The following PDE8A variants were observed in gnomAD, a reference collection of about 807,000 sequenced individuals.
PDE8A encodes high affinity cAMP-specific and IBMX-insensitive 3',5'-cyclic phosphodiesterase 8A.
In PDE8A, 59 loss-of-function variants were observed where a neutral mutation model predicts 105.0. That is an observed-to-expected ratio of 0.56 (90% CI 0.46 to 0.70). The LOEUF (loss-of-function observed/expected upper bound fraction) is 0.70, where lower values mean the gene tolerates loss of function less well. PDE8A is among the 30% of genes least tolerant of loss of function. PDE8A has a pLI of 0.00. For synonymous variants in PDE8A, 355 were observed against 371.9 expected (o/e 0.95, Z 0.52); for missense variants, 1,014 against 1,045.9 (o/e 0.97, Z 0.42).
rs776796507 is a variant in PDE8A at position 85,100,176 on chromosome 15, T to C, written c.1014T>C (p.Cys338=). The C allele has an allele frequency of 1.9e-6, 3 of 1,613,864 alleles. No individual in the cohort carries two copies. In the South Asian group the frequency reaches 3.3e-5, roughly 18 times the overall value. ...TTTAGGCTGAGAAAATATCCGAATGTGTTCAGTCTGACACTCATACAGGTA... is the reference window on the plus strand; with the variant it reads ...TTTAGGCTGAGAAAATATCCGAATGCGTTCAGTCTGACACTCATACAGGTA... The part of the protein sequence containing the change: ...GNNKAEKISE[C]VQSDTHTDNQ... The change falls in exon 11 of 22, where the codon TGT becomes TGC. Residue 338 remains cysteine, a synonymous_variant. Transcript: ENST00000394553.
chr15:85,086,498 A>G (rs2081554941), intron 6 of PDE8A, among the ~76,000 whole-genome samples: 1 of 152,236 alleles, frequency 6.6e-6, no homozygotes, highest in African/African-American at 2.4e-5. Context: ...AAAATGATCA[A>G]TTAAAAATTA....
chr15:85,067,031 C>G lies in PDE8A; in HGVS notation c.261C>G (p.Thr87=), dbSNP rs2081240320. 2 of 1,602,928 alleles carry G rather than the reference C, an allele frequency of 1.2e-6. No individual in the cohort carries two copies. Among genetic ancestry groups the G allele is most frequent in the Non-Finnish European group, 1.7e-6 (2 of 1,175,268 alleles). The change falls in exon 3 of 22, where the codon ACC becomes ACG. Residue 87 remains threonine (T), a synonymous_variant. Coordinates refer to ENST00000394553, the MANE Select transcript of PDE8A (RefSeq NM_002605.3). ...TGATTCAGGTACTTTTAGTGTTTAC[C>G]AAAGAAGATAACCAATGTAATGGAT... The part of the protein sequence containing the change: ...QDQLQVLLVF[T]KEDNQCNGFC...
At chr15:85,086,003 A>G (rs2141514055) in intron 6 of PDE8A, among the ~76,000 whole-genome samples, 1 of 150,842 alleles carries the variant, frequency 6.6e-6, no homozygotes, top group Non-Finnish European at 1.5e-5. Flanking sequence ...CAAGAGCAAA[A>G]CTCCATCTCA....
chr15:84,993,973 G>T (rs1212679704), intron 1 of PDE8A, among the ~76,000 whole-genome samples: 1 of 152,082 alleles, frequency 6.6e-6, no homozygotes, highest in Admixed American at 6.5e-5. Context: ...TTTAAATGTT[G>T]TCCCCTTAAG....
chr15:85,025,824 T>A lies in PDE8A; in HGVS notation c.187-38546T>A, dbSNP rs2080507376. 1.3e-5 allele frequency among the ~76,000 whole-genome samples: 2 copies of A among 152,162 alleles called. 1 individual carries two copies. Among genetic ancestry groups the A allele is most frequent in the South Asian group, 4.1e-4 (2 of 4,826 alleles). ...TAGGAAGCCAGGAACACCTTGAGAC[T>A]CGGGCCAGAACAATGTGGCCCACCT... is the stretch of plus-strand genomic sequence containing the variant. On this transcript the variant is annotated intron_variant, in intron 1 of 21. Coordinates refer to ENST00000394553, the MANE Select transcript of PDE8A (RefSeq NM_002605.3).
chr15:85,130,347 T>C (rs1273364112), intron 20 of PDE8A, among the ~76,000 whole-genome samples: 3 of 152,338 alleles, frequency 2.0e-5, no homozygotes, highest in Non-Finnish European at 4.4e-5. Flanking sequence ...TCAAAGCATA[T>C]GCTATTTAAT....
At chr15:84,982,955 T>A (rs1332881476) in intron 1 of PDE8A, among the ~76,000 whole-genome samples, 1 of 152,222 alleles carries the variant, frequency 6.6e-6, no homozygotes, top group Non-Finnish European at 1.5e-5. Context: ...AATTAGAAAA[T>A]ACTGTGAAAC....
Position 84,982,352 on chromosome 15 carries a change from A to AT in PDE8A, c.186+4_186+5insT. The AT allele has an allele frequency of 7.6e-7, 1 of 1,322,754 alleles. No homozygotes were observed. Among genetic ancestry groups the AT allele is most frequent in the Non-Finnish European group, 9.6e-7 (1 of 1,039,006 alleles). The allele number at this position is 1,322,754 out of a possible 1,614,324, so 81.9% of individuals were successfully genotyped here. On this transcript the variant is annotated splice_donor_region_variant and intron_variant, in intron 1 of 21. Coordinates refer to ENST00000394553, the MANE Select transcript of PDE8A (RefSeq NM_002605.3). ...TCGCGACGGCAGCGGCAAGAAGGTA[A>AT]GGGGCGCCGGGCACTCTGGGGCCGC...
chr15:85,012,341 A>G (rs1340766685), intron 1 of PDE8A, among the ~76,000 whole-genome samples: 1 of 152,176 alleles, frequency 6.6e-6, no homozygotes, highest in African/African-American at 2.4e-5. Context: ...AATGTGGCAC[A>G]TATACACCAT....
intron 1 of PDE8A, among the ~76,000 whole-genome samples, chr15:84,992,941 T>A (rs2079908702): frequency 6.6e-6 from 1 of 152,204 alleles, no homozygotes; most frequent in Non-Finnish European, 1.5e-5. Context: ...ATTCAGAGAT[T>A]GAATGACTTG....
intron 20 of PDE8A, among the ~76,000 whole-genome samples, chr15:85,128,118 A>G (rs12324243): frequency 0.029 from 4,402 of 151,736 alleles, 179 homozygotes; most frequent in African/African-American, 0.089. Context: ...TCATAGACCT[A>G]CATACAACAG....
At chr15:85,016,990 G>A (rs2080335352) in intron 1 of PDE8A, among the ~76,000 whole-genome samples, 2 of 150,972 alleles carry the variant, frequency 1.3e-5, no homozygotes, top group African/African-American at 2.4e-5. Flanking sequence ...GGCCGGGCGC[G>A]GTGGCTCACG....
chr15:84,988,336 C>T (rs1490625522), intron 1 of PDE8A, among the ~76,000 whole-genome samples: 4 of 152,198 alleles, frequency 2.6e-5, no homozygotes, highest in Non-Finnish European at 5.9e-5. Context: ...TTTAAGCAGG[C>T]ATCTTGAATC....
At chr15:84,983,741 C>G (rs1482289811) in intron 1 of PDE8A, among the ~76,000 whole-genome samples, 1 of 152,218 alleles carries the variant, frequency 6.6e-6, no homozygotes, top group Non-Finnish European at 1.5e-5. Flanking sequence ...GTTTTCAGTC[C>G]AAATCTAACA....
chr15:85,030,229 A>G (rs2080591080), intron 1 of PDE8A, among the ~76,000 whole-genome samples: 1 of 151,954 alleles, frequency 6.6e-6, no homozygotes, highest in East Asian at 1.9e-4. Context: ...AACAGAGGGT[A>G]TGATTCTGCC....
chr15:85,065,964 C>A (rs1232086434), intron 2 of PDE8A, among the ~76,000 whole-genome samples: 1 of 152,232 alleles, frequency 6.6e-6, no homozygotes, highest in Non-Finnish European at 1.5e-5. Flanking sequence ...TGTCACTTAA[C>A]TGATAGGCTT....
At chr15:85,098,125 G>A (rs2081791459) in intron 9 of PDE8A, 89 bp downstream of exon 9, 2 of 783,690 alleles carry the variant, frequency 2.6e-6, no homozygotes, top group Admixed American at 2.2e-5. Context: ...AAGGACTGCT[G>A]ACAGAAGTGT....
intron 1 of PDE8A, among the ~76,000 whole-genome samples, chr15:85,050,748 G>A (rs538497850): frequency 2.8e-4 from 42 of 152,258 alleles, no homozygotes; most frequent in African/African-American, 9.9e-4. Flanking sequence ...CAGGAAGTGT[G>A]AGTTCTTCAG....
At chr15:85,013,822 G>T (rs1165214734) in intron 1 of PDE8A, among the ~76,000 whole-genome samples, 2 of 152,168 alleles carry the variant, frequency 1.3e-5, no homozygotes, top group African/African-American at 4.8e-5. Flanking sequence ...TGGGCCAGCG[G>T]ATTCACTTCC....
Sources: allele counts gnomAD v4.1 joint callset (sites outside exome capture counted in the v4.1 genomes callset), GRCh38; gene constraint gnomAD v4.1.1; transcripts MANE v1.5; gene names NCBI Gene and HGNC (gene_info 2026-07-23, HGNC 2026-07-21).